Variants in DOCK7 observed in about 807,000 individuals in gnomAD.
The protein encoded by DOCK7 is dedicator of cytokinesis protein 7.
Under a neutral mutation model 271.0 loss-of-function variants are expected in DOCK7, and 138 were observed. The observed-to-expected ratio is 0.51, with a 90% confidence interval of 0.44 to 0.59. DOCK7 has a LOEUF of 0.59. Among genes scored for constraint, DOCK7 ranks in the 20% least tolerant of loss-of-function variants. The pLI, the probability that DOCK7 is intolerant of heterozygous loss-of-function variation, is 0.00. For missense variants in DOCK7, 2,066 were observed against 2,592.4 expected (o/e 0.80, Z 4.41); for synonymous variants, 823 against 876.1 (o/e 0.94, Z 1.07).
At chr1:62,683,586 C>T (rs1451708462) in intron 1 of DOCK7, among the ~76,000 whole-genome samples, 1 of 152,152 alleles carries the variant, frequency 6.6e-6, no homozygotes, top group Non-Finnish European at 1.5e-5. Context: ...GTAGCAGTGA[C>T]ACTGTTAGGA....
chr1:62,597,901 A>C, intron 14 of DOCK7: 1 of 1,566,826 alleles, frequency 6.4e-7, no homozygotes, highest in Non-Finnish European at 8.6e-7. Context: ...AAAAATGAAG[A>C]GGTAAAGAAT....
At chr1:62,688,115 G>A (rs1412598678) in intron 1 of DOCK7, 112 bp downstream of exon 1, 109 of 1,168,050 alleles carry the variant, frequency 9.3e-5, no homozygotes, top group Non-Finnish European at 1.1e-4. Flanking sequence ...CCAGGCCGCG[G>A]GATCCCGGTG....
intron 7 of DOCK7, among the ~76,000 whole-genome samples, chr1:62,637,524 A>G (rs1172958908): frequency 6.6e-6 from 1 of 152,238 alleles, no homozygotes; most frequent in Non-Finnish European, 1.5e-5. Context: ...TGAACATCCT[A>G]CGCTGTACAG....
At chr1:62,618,549 C>T (rs1165151448) in intron 14 of DOCK7, among the ~76,000 whole-genome samples, 157 bp downstream of exon 14, 2 of 152,088 alleles carry the variant, frequency 1.3e-5, no homozygotes, top group Admixed American at 6.5e-5. Context: ...CACAGAAAGC[C>T]TTAATACGTG....
intron 14 of DOCK7, chr1:62,602,331 C>A: frequency 6.2e-7 from 1 of 1,610,904 alleles, no homozygotes; most frequent in Middle Eastern, 1.7e-4. Context: ...GATCACAAAA[C>A]TTCAATGAAA....
At position 62,539,821 on chromosome 1, in the gene DOCK7, T is replaced by C. The variant is rs1645467789; in HGVS notation, c.3117A>G (p.Glu1039=). The change falls in exon 26 of 50, where the codon GAA becomes GAG. Residue 1039 remains glutamate (E), a synonymous_variant. Transcript: ENST00000635253. The part of the protein sequence containing the change: ...LEAPRKSRFP[E]RFMDDIAALV... ...GAGCTGCAATGTCATCCATGAAACG[T>C]TCTGGAAAACGACTTTTCCTTGGAG... The C allele has an allele frequency of 6.2e-7, 1 of 1,613,774 alleles. No homozygotes were observed. Among genetic ancestry groups the C allele is most frequent in the African/African-American group, 1.3e-5 (1 of 74,918 alleles).
intron 4 of DOCK7, among the ~76,000 whole-genome samples, chr1:62,652,038 C>T (rs758583185): frequency 2.0e-5 from 3 of 152,064 alleles, no homozygotes; most frequent in Admixed American, 6.6e-5. Context: ...TCACCCTGGG[C>T]GCTATTCTAT....
chr1:62,585,059 C>T (rs1647335568), intron 15 of DOCK7, among the ~76,000 whole-genome samples: 1 of 151,988 alleles, frequency 6.6e-6, no homozygotes, highest in African/African-American at 2.4e-5. Flanking sequence ...TATCATAGTA[C>T]ATTCATTCCT....
In DOCK7 at chr1:62,510,636, T is replaced by C; in HGVS notation, c.4320A>G (p.Glu1440=). 1 of 1,613,336 alleles carries C rather than the reference T, an allele frequency of 6.2e-7. No individual in the cohort carries two copies. Among genetic ancestry groups the C allele is most frequent in the Non-Finnish European group, 8.5e-7 (1 of 1,179,556 alleles). The change falls in exon 34 of 50, where the codon GAA becomes GAG. Residue 1440 remains glutamate (E), a synonymous_variant. Coordinates refer to ENST00000635253, the MANE Select transcript of DOCK7 (RefSeq NM_001367561.1). ...TCATATCTTTCCTCCACCTCAAATT[T>C]TCTTGACTTCCAAAGGCACTTCCAG... ...SPSGSAFGSQ[E]NLRWRKDMTH...
chr1:62,577,690 T>C (rs1409882486), intron 17 of DOCK7, among the ~76,000 whole-genome samples: 1 of 152,120 alleles, frequency 6.6e-6, no homozygotes, highest in Non-Finnish European at 1.5e-5. Context: ...TCAATGTAAA[T>C]AGTGAAAGAA....
At chr1:62,520,482 C>A (rs1033020366) in intron 31 of DOCK7, among the ~76,000 whole-genome samples, 4 of 96,048 alleles carry the variant, frequency 4.2e-5, no homozygotes, top group Non-Finnish European at 1.1e-4. Flanking sequence ...ATGAGGCCAA[C>A]AAACATATGA....
chr1:62,600,897 C>A, intron 14 of DOCK7: 1 of 503,380 alleles, frequency 2.0e-6, no homozygotes, highest in Non-Finnish European at 3.6e-6. Flanking sequence ...AAATAATGTC[C>A]CTGATTAAAT....
chr1:62,466,903 G>A (rs751630365), intron 48 of DOCK7, among the ~76,000 whole-genome samples: 4 of 151,698 alleles, frequency 2.6e-5, no homozygotes, highest in Non-Finnish European at 5.9e-5. Flanking sequence ...GGGTGACAGC[G>A]AGATTCTGTC....
intron 25 of DOCK7, among the ~76,000 whole-genome samples, chr1:62,541,550 T>C (rs1012951565): frequency 2.6e-5 from 4 of 152,198 alleles, no homozygotes; most frequent in African/African-American, 9.6e-5. Flanking sequence ...CACTTCCAAT[T>C]AATGAAGAGC....
rs775430812 is a variant in DOCK7 at position 62,654,105 on chromosome 1, G to T, written c.199C>A (p.His67Asn). 4 of 1,613,956 alleles carry T rather than the reference G, an allele frequency of 2.5e-6. No individual in the cohort carries two copies. In the East Asian group the frequency reaches 8.9e-5, roughly 36 times the overall value. Reference protein sequence around the residue: ...PVDLEDYLITHPLAVDSGPLR... With the variant: ...PVDLEDYLITNPLAVDSGPLR... ...GGCCCAGAATCCACAGCCAAAGGAT[G>T]AGTAATGAGGTAATCTTCCAAATCC... Residue 67 changes from histidine (H) to asparagine (N), a missense_variant, in exon 3 of 50, where the codon CAT (histidine) becomes AAT (asparagine). By Grantham distance (68) the His-to-Asn change is moderately conservative. This residue lies in a region of DOCK7 where 1,414 missense variants were observed against 1,670.4 expected (regional missense o/e 0.85). Transcript: ENST00000635253.
At chr1:62,457,456 G>C (rs1252092912) in intron 49 of DOCK7, 82 bp downstream of exon 49, 1 of 1,360,490 alleles carries the variant, frequency 7.4e-7, no homozygotes, top group African/African-American at 1.5e-5. Context: ...ACAGATGCTC[G>C]AGCTGTAAAA....
intron 24 of DOCK7, 70 bp from the exon 25 acceptor site, chr1:62,542,773 C>A: frequency 7.1e-7 from 1 of 1,399,320 alleles, no homozygotes; most frequent in Non-Finnish European, 1.0e-6. Context: ...AATCATAATG[C>A]AAATACAAAC....
chr1:62,465,141 T>C (rs1292802281), intron 48 of DOCK7, among the ~76,000 whole-genome samples: 1 of 152,206 alleles, frequency 6.6e-6, no homozygotes, highest in African/African-American at 2.4e-5. Flanking sequence ...TAGCCACCTC[T>C]TGTTGCTACT....
intron 42 of DOCK7, chr1:62,488,647 T>C (rs1646366020): frequency 2.2e-5 from 8 of 368,854 alleles, no homozygotes; most frequent in South Asian, 2.1e-4. Context: ...TGATCTACCT[T>C]GTGAAACAGA....
Sources: gnomAD v4.1 joint callset for allele counts (sites outside exome capture counted in the v4.1 genomes callset) on GRCh38, gnomAD v4.1.1 for gene constraint, gnomAD v4.1.1 regional missense constraint, MANE v1.5 for transcripts, NCBI Gene and HGNC (gene_info 2026-07-23, HGNC 2026-07-21) for gene names.